ZRANB3: variants seen among roughly 807,000 people sequenced by gnomAD.
The protein encoded by ZRANB3 is DNA annealing helicase and endonuclease ZRANB3.
A neutral mutation model predicts 133.8 loss-of-function variants in ZRANB3; 125 were observed. The observed-to-expected ratio is 0.93, with a 90% CI of 0.81 to 1.08. The LOEUF (loss-of-function observed/expected upper bound fraction) is 1.08, where lower values mean the gene tolerates loss of function less well. Among genes scored for constraint, ZRANB3 ranks in the 50% least tolerant of loss-of-function variants. ZRANB3 has a pLI of 0.00. For missense variants in ZRANB3, 1,229 were observed against 1,275.5 expected (o/e 0.96, Z 0.56); for synonymous variants, 387 against 432.7 (o/e 0.89, Z 1.31).
In ZRANB3 at chr2:135,200,318, C is replaced by A; in HGVS notation, c.*24G>T. On this transcript the variant is annotated 3_prime_UTR_variant, in exon 21 of 21. Transcript: ENST00000264159. Reference sequence around the variant, plus strand: ...AGTCTTCCACATGTAAACCATTTGTCATTCATTCATATATTTTTCTACTTT... The same window carrying A: ...AGTCTTCCACATGTAAACCATTTGTAATTCATTCATATATTTTTCTACTTT... The A allele has an allele frequency of 6.5e-7, 1 of 1,538,244 alleles. No homozygotes were observed. Among genetic ancestry groups the A allele is most frequent in the Non-Finnish European group, 8.9e-7 (1 of 1,129,536 alleles).
chr2:135,530,017 G>A (rs1694400841), intron 1 of ZRANB3, among the ~76,000 whole-genome samples: 2 of 151,370 alleles, frequency 1.3e-5, no homozygotes, highest in Non-Finnish European at 1.5e-5. Context: ...CACGAGGTCA[G>A]GAGATCGAGA....
In ZRANB3 at chr2:135,323,417, G is replaced by A. The variant is rs185039749; in HGVS notation, c.678-7887C>T. The stretch of plus-strand genomic sequence containing the variant: ...GAGATAATGGAGTGTGGAAGTTAGA[G>A]GAGGATACATTGAAAAACTGAAATT... On this transcript the variant is annotated intron_variant, in intron 6 of 20. Coordinates refer to ENST00000264159, the MANE Select transcript of ZRANB3 (RefSeq NM_032143.4). Among the ~76,000 whole-genome samples the A allele has an allele frequency of 2.5e-3, 382 of 152,252 alleles. 1 individual carries two copies. Among genetic ancestry groups the A allele is most frequent in the Admixed American group, 8.1e-3 (123 of 15,274 alleles).
rs1352985404 is a variant in ZRANB3 at position 135,227,882 on chromosome 2, C to T, written c.2088G>A (p.Gln696=). Residue 696 remains glutamine (Q), a synonymous_variant, in exon 14 of 21, where the codon CAG becomes CAA. Transcript: ENST00000264159. ...GTGTTTCTTCCTTGCTGTCAGCCAA[C>T]TGGCCAGGTTCTGACTGTGCAAGGG... is the stretch of plus-strand genomic sequence containing the variant. ...KQALAQSEPG[Q]LADSKEETPK... is the part of the protein sequence containing the mutation. The T allele has an allele frequency of 6.4e-7, 1 of 1,572,142 alleles. No individual in the cohort carries two copies. Among genetic ancestry groups the T allele is most frequent in the South Asian group, 1.2e-5 (1 of 85,400 alleles).
intron 2 of ZRANB3, among the ~76,000 whole-genome samples, chr2:135,460,265 T>G (rs1690704433): frequency 6.9e-6 from 1 of 144,850 alleles, no homozygotes; most frequent in African/African-American, 2.5e-5. Flanking sequence ...AACAGCTAAC[T>G]TTTTTTTTTT....
chr2:135,246,027 TTTTC>T lies in ZRANB3; in HGVS notation c.1540-15104_1540-15101del, dbSNP rs1277320003. Among the ~76,000 whole-genome samples, 252 of 140,638 alleles carry T rather than the reference TTTTC, an allele frequency of 1.8e-3. 1 individual carries two copies. The highest frequency in any genetic ancestry group is 6.1e-3 in the African/African-American group (230 of 37,448). The allele number at this position is 140,638 out of a possible 152,430, so 92.3% of individuals were successfully genotyped here. A position where few individuals can be genotyped will look rare whatever the true frequency, so the allele number is the denominator to read the frequency against. On this transcript the variant is annotated intron_variant, in intron 12 of 20. Coordinates refer to ENST00000264159, the MANE Select transcript of ZRANB3 (RefSeq NM_032143.4). ...GCTCCATTTCTTTTCTTTTCTTTTC[TTTTC>T]TTTCTTTCTTTTTTTTTTTTTTTTT...
intron 8 of ZRANB3, among the ~76,000 whole-genome samples, chr2:135,308,392 T>C (rs1192462922): frequency 1.3e-5 from 2 of 152,256 alleles, no homozygotes; most frequent in East Asian, 3.9e-4. Context: ...GGCTTTTGTT[T>C]AGTGTAAGAA....
chr2:135,215,839 T>A (rs1195751734), intron 17 of ZRANB3, among the ~76,000 whole-genome samples: 2 of 152,098 alleles, frequency 1.3e-5, no homozygotes, highest in East Asian at 3.9e-4. Context: ...GGGGGTGCAA[T>A]CCTGTTCACT....
chr2:135,319,376 A>G (rs913278886), intron 6 of ZRANB3, among the ~76,000 whole-genome samples: 2 of 152,206 alleles, frequency 1.3e-5, no homozygotes, highest in African/African-American at 4.8e-5. Context: ...GGTGACAATA[A>G]CTTTGTAATA....
intron 2 of ZRANB3, among the ~76,000 whole-genome samples, chr2:135,466,623 A>G (rs934918657): frequency 2.0e-5 from 3 of 151,826 alleles, no homozygotes; most frequent in Non-Finnish European, 2.9e-5. Flanking sequence ...TTTTTATTAA[A>G]TGATCCATAA....
At position 135,346,894 on chromosome 2, in the gene ZRANB3, T is replaced by C. The variant is rs371415445; in HGVS notation, c.592-1259A>G. 1.0e-3 allele frequency among the ~76,000 whole-genome samples: 158 copies of C among 152,304 alleles called. 1 individual carries two copies. The highest frequency in any genetic ancestry group is 3.5e-3 in the African/African-American group (146 of 41,554). On this transcript the variant is annotated intron_variant, in intron 5 of 20. Transcript: ENST00000264159. The stretch of plus-strand genomic sequence containing the variant: ...ATCAATCATGACTAATTCTATAATA[T>C]TTTTATCACCCCCCAAAAAACCTCC...
At chr2:135,446,267 G>C (rs1384155359) in intron 2 of ZRANB3, among the ~76,000 whole-genome samples, 1 of 152,010 alleles carries the variant, frequency 6.6e-6, no homozygotes, top group Non-Finnish European at 1.5e-5. Context: ...GTTCATCCAG[G>C]GTATTAGGGG....
intron 20 of ZRANB3, among the ~76,000 whole-genome samples, chr2:135,201,100 CCAACTCAA>C (rs2105030673): frequency 6.6e-6 from 1 of 152,242 alleles, no homozygotes; most frequent in South Asian, 2.1e-4. Flanking sequence ...GAGGCCATTT[CCAACTCAA>C]CAGATGAGCT....
At chr2:135,225,233 T>C (rs906033391) in intron 14 of ZRANB3, among the ~76,000 whole-genome samples, 1 of 152,218 alleles carries the variant, frequency 6.6e-6, no homozygotes, top group Non-Finnish European at 1.5e-5. Context: ...CTTATGGTCA[T>C]ATGGCTAGTA....
At chr2:135,299,741 C>T (rs1336122031) in intron 8 of ZRANB3, among the ~76,000 whole-genome samples, 1 of 152,176 alleles carries the variant, frequency 6.6e-6, no homozygotes, top group African/African-American at 2.4e-5. Context: ...CTTCAAAAGG[C>T]AGACTAGCAT....
At chr2:135,500,756 TAAAAAAA>T (rs760594100) in intron 2 of ZRANB3, among the ~76,000 whole-genome samples, 3 of 73,674 alleles carry the variant, frequency 4.1e-5, no homozygotes, top group South Asian at 7.5e-4. Context: ...TACATATCAG[TAAAAAAA>T]AAAAAAAAAA....
rs1694821137 is a variant in ZRANB3 at position 135,227,903 on chromosome 2, A to G, written c.2067T>C (p.Leu689=). 6.4e-7 allele frequency: 1 copy of G among 1,563,618 alleles called. No homozygotes were observed. Among genetic ancestry groups the G allele is most frequent in the Non-Finnish European group, 8.7e-7 (1 of 1,152,266 alleles). The part of the protein sequence containing the change: ...QTISDCEKQA[L]AQSEPGQLAD... ...CCAACTGGCCAGGTTCTGACTGTGC[A>G]AGGGCTTGTTTTTCACAGTCTGAGA... Residue 689 remains leucine, a synonymous_variant, in exon 14 of 21, where the codon CTT becomes CTC. Transcript: ENST00000264159.
chr2:135,451,830 A>T (rs1232301911), intron 2 of ZRANB3, among the ~76,000 whole-genome samples: 6 of 152,340 alleles, frequency 3.9e-5, no homozygotes, highest in Non-Finnish European at 4.4e-5. Context: ...TATGTGACGC[A>T]CAAAAAATCC....
intron 6 of ZRANB3, among the ~76,000 whole-genome samples, chr2:135,327,600 C>T (rs1341754622): frequency 6.6e-6 from 1 of 152,062 alleles, no homozygotes; most frequent in Admixed American, 6.6e-5. Context: ...AATTCAAATA[C>T]TGGAAGGAGA....
chr2:135,390,559 TGGGG>T (rs1687177846), intron 3 of ZRANB3, among the ~76,000 whole-genome samples: 2 of 152,076 alleles, frequency 1.3e-5, no homozygotes, highest in African/African-American at 4.8e-5. Context: ...GGTAACAATT[TGGGG>T]TCACTAATGT....
Sources: allele counts gnomAD v4.1 joint callset (sites outside exome capture counted in the v4.1 genomes callset), GRCh38; gene constraint gnomAD v4.1.1; transcripts MANE v1.5; gene names NCBI Gene and HGNC (gene_info 2026-07-23, HGNC 2026-07-21).